Variants in GNAQ observed in about 807,000 individuals in gnomAD.
The protein encoded by GNAQ is G protein subunit alpha q.
In GNAQ, 8 loss-of-function variants were observed where a neutral mutation model predicts 43.9. The observed-to-expected ratio is 0.18, with a 90% CI of 0.11 to 0.33. The LOEUF (loss-of-function observed/expected upper bound fraction) is 0.33. Ranked by LOEUF, GNAQ falls within the 10% of genes least tolerant of loss-of-function variation. The pLI, the probability that GNAQ is intolerant of heterozygous loss-of-function variation, is 1.00. For synonymous variants in GNAQ, 155 were observed against 170.7 expected, an observed-to-expected ratio of 0.91 and a Z score of 0.71; for missense variants, 158 against 450.8, an observed-to-expected ratio of 0.35 and a Z score of 5.88.
chr9:77,798,793 C>T (rs1380372283), intron 3 of GNAQ, among the ~76,000 whole-genome samples: 1 of 152,192 alleles, frequency 6.6e-6, no homozygotes, highest in East Asian at 1.9e-4. Flanking sequence ...AGTAAAGATA[C>T]AATTTTTCTC....
chr9:78,030,085 G>A (rs1017619464), intron 1 of GNAQ, among the ~76,000 whole-genome samples: 1 of 152,046 alleles, frequency 6.6e-6, no homozygotes, highest in African/African-American at 2.4e-5. Flanking sequence ...AAGACTAGAG[G>A]GAAATTTTTC....
In GNAQ at chr9:77,797,477, G is replaced by A. The variant is rs1331730321; in HGVS notation, c.605+43C>T. 7 of 1,505,734 alleles carry A rather than the reference G, an allele frequency of 4.6e-6. 1 individual carries two copies. In the South Asian group the frequency reaches 6.8e-5, roughly 15 times the overall value. 93.3% of individuals were successfully genotyped at this position (1,505,734 alleles called of 1,614,324 possible). ...TATAGAGTTTACCAAATGTACTCAA[G>A]GCATAAAAGCTGGGAAATAGGTTTC... On this transcript the variant is annotated intron_variant, in intron 4 of 6. Transcript: ENST00000286548.
intron 1 of GNAQ, among the ~76,000 whole-genome samples, chr9:78,005,988 C>A (rs1348561775): frequency 6.6e-6 from 1 of 152,162 alleles, no homozygotes; most frequent in Non-Finnish European, 1.5e-5. Flanking sequence ...TGCCAACAAC[C>A]AGTTGTGACA....
chr9:77,761,246 G>GGTT (rs1826009413), intron 5 of GNAQ, among the ~76,000 whole-genome samples: 1 of 138,512 alleles, frequency 7.2e-6, no homozygotes, highest in African/African-American at 2.8e-5. Flanking sequence ...CCCTCTGCCC[G>GGTT]GCCAGCCACC....
intron 1 of GNAQ, 43 bp from the exon 2 acceptor site, chr9:77,922,388 C>T (rs779511281): frequency 7.2e-7 from 1 of 1,390,032 alleles, no homozygotes; most frequent in South Asian, 1.2e-5. Flanking sequence ...ACAGTGCCAT[C>T]TCAGTCTCTC....
chr9:77,790,374 CAT>C (rs1351341560), intron 5 of GNAQ, among the ~76,000 whole-genome samples: 5 of 152,196 alleles, frequency 3.3e-5, no homozygotes, highest in Non-Finnish European at 7.3e-5. Flanking sequence ...GAACAAAGTA[CAT>C]GTTTCACACT....
chr9:77,821,943 T>A (rs1181331581), intron 2 of GNAQ, among the ~76,000 whole-genome samples: 1 of 152,146 alleles, frequency 6.6e-6, no homozygotes, highest in Non-Finnish European at 1.5e-5. Context: ...GAACATTAAT[T>A]AATGGAAAAT....
At chr9:77,746,487 C>G (rs760302132) in intron 5 of GNAQ, among the ~76,000 whole-genome samples, 3 of 151,848 alleles carry the variant, frequency 2.0e-5, no homozygotes, top group Non-Finnish European at 4.4e-5. Flanking sequence ...ATATGTTGAC[C>G]GTGTTTTGAA....
At chr9:77,820,145 A>C (rs2118523875) in intron 2 of GNAQ, among the ~76,000 whole-genome samples, 1 of 151,860 alleles carries the variant, frequency 6.6e-6, no homozygotes, top group African/African-American at 2.4e-5. Context: ...TGGTACAAAT[A>C]CCTACTAGAT....
intron 1 of GNAQ, among the ~76,000 whole-genome samples, chr9:77,926,857 T>C (rs1486077806): frequency 6.6e-6 from 1 of 152,154 alleles, no homozygotes; most frequent in Non-Finnish European, 1.5e-5. Context: ...TTAAGAACCA[T>C]GCTATGAGAA....
intron 3 of GNAQ, among the ~76,000 whole-genome samples, chr9:77,800,275 T>C (rs1564114288): frequency 6.6e-6 from 1 of 151,846 alleles, no homozygotes; most frequent in Non-Finnish European, 1.5e-5. Context: ...CATGCACACG[T>C]ATGTTTATTG....
In GNAQ at chr9:77,720,833, A is replaced by G. The variant is rs1825298875; in HGVS notation, c.*490T>C. 1 of 233,972 alleles carries G rather than the reference A, an allele frequency of 4.3e-6. No individual in the cohort carries two copies. Among genetic ancestry groups the G allele is most frequent in the Admixed American group, 5.6e-5 (1 of 17,816 alleles). The allele number at this position is 233,972 out of a possible 1,614,324, so 14.5% of individuals were successfully genotyped here. A position where few individuals can be genotyped will look rare whatever the true frequency, so the allele number is the denominator to read the frequency against. ...ACTTAAATTAAGCTGATGATGGCTT[A>G]AATCGAACGATGTGTCCTGACTGTA... is the stretch of plus-strand genomic sequence containing the variant. On this transcript the variant is annotated 3_prime_UTR_variant, in exon 7 of 7. Transcript: ENST00000286548.
chr9:77,788,855 G>T (rs1308378807), intron 5 of GNAQ, among the ~76,000 whole-genome samples: 1 of 152,162 alleles, frequency 6.6e-6, no homozygotes, highest in Admixed American at 6.5e-5. Context: ...CAGCCCTTAT[G>T]AATTCTAACA....
intron 5 of GNAQ, among the ~76,000 whole-genome samples, chr9:77,758,049 A>G (rs1825932179): frequency 1.3e-5 from 2 of 152,234 alleles, no homozygotes; most frequent in Non-Finnish European, 2.9e-5. Flanking sequence ...AAAGTCTAAA[A>G]ATATTATATG....
intron 5 of GNAQ, among the ~76,000 whole-genome samples, chr9:77,730,931 T>A (rs1037170261): frequency 6.6e-5 from 10 of 152,176 alleles, no homozygotes; most frequent in Non-Finnish European, 1.2e-4. Flanking sequence ...GATAGTGACA[T>A]CCCTGATGGG....
chr9:77,868,108 T>C lies in GNAQ; in HGVS notation c.322-52338A>G, dbSNP rs59527629. ...CATCAGCATATACTGGAATATACTT[T>C]AGACTTTATAAGTACATGTGCATAT... On this transcript the variant is annotated intron_variant, in intron 2 of 6. Transcript: ENST00000286548. Among the ~76,000 whole-genome samples the C allele has an allele frequency of 3.5e-3, 534 of 152,332 alleles. 2 individuals are homozygous for C. The highest frequency in any genetic ancestry group is 0.012 in the African/African-American group (504 of 41,584).
intron 2 of GNAQ, among the ~76,000 whole-genome samples, chr9:77,831,111 C>G (rs535374150): frequency 1.4e-4 from 22 of 152,298 alleles, no homozygotes; most frequent in Admixed American, 1.3e-3. Context: ...CCATTTATAA[C>G]TACATATCTT....
chr9:77,739,603 AT>A (rs1227355936), intron 5 of GNAQ, among the ~76,000 whole-genome samples: 1 of 152,230 alleles, frequency 6.6e-6, no homozygotes, highest in Non-Finnish European at 1.5e-5. Flanking sequence ...CAAAAATCAA[AT>A]GTCAGTTTCC....
At chr9:77,836,050 C>A (rs1289191485) in intron 2 of GNAQ, among the ~76,000 whole-genome samples, 1 of 152,116 alleles carries the variant, frequency 6.6e-6, no homozygotes, top group Non-Finnish European at 1.5e-5. Context: ...ATTCACTATT[C>A]ACTGAATATG....
Sources: allele counts gnomAD v4.1 joint callset (sites outside exome capture counted in the v4.1 genomes callset), GRCh38; gene constraint gnomAD v4.1.1; transcripts MANE v1.5; gene names NCBI Gene and HGNC (gene_info 2026-07-23, HGNC 2026-07-21).